EPB41L4A: variants seen among roughly 807,000 people sequenced by gnomAD.
EPB41L4A encodes the protein erythrocyte membrane protein band 4.1 like 4A, also known as band 4.1-like protein 4A.
EPB41L4A carries 100 observed loss-of-function variants against 108.6 expected under a neutral mutation model. That is an observed-to-expected ratio of 0.92 (90% confidence interval 0.78 to 1.09). The LOEUF (loss-of-function observed/expected upper bound fraction) is 1.09, where lower values mean the gene tolerates loss of function less well. Ranked by LOEUF, EPB41L4A falls within the 50% of genes least tolerant of loss-of-function variation. The pLI is 0.00. For missense variants in EPB41L4A, 1,030 were observed against 842.7 expected (o/e 1.22, Z -2.75); for synonymous variants, 319 against 289.0 (o/e 1.10, Z -1.05).
chr5:112,332,861 A>G (rs1033324141), intron 1 of EPB41L4A, among the ~76,000 whole-genome samples: 1 of 152,354 alleles, frequency 6.6e-6, no homozygotes, highest in African/African-American at 2.4e-5. Context: ...TATAAATAGT[A>G]AAAGGCTTTC....
rs760840913 is a variant in EPB41L4A, at chr5:112,240,846, C to T, written c.796-36G>A. On this transcript the variant is annotated intron_variant, in intron 9 of 22. Coordinates refer to ENST00000261486, the MANE Select transcript of EPB41L4A (RefSeq NM_022140.5). Reference sequence around the variant, plus strand: ...AAGAGAGACAGAATATGAATAATGACCAGGGAAGGAAGATAGCATTCTTCA... The same window carrying T: ...AAGAGAGACAGAATATGAATAATGATCAGGGAAGGAAGATAGCATTCTTCA... 1.3e-5 allele frequency: 17 copies of T among 1,314,418 alleles called. No individual in the cohort carries two copies. In the South Asian group the frequency reaches 2.1e-4, roughly 16 times the overall value. 81.4% of individuals were successfully genotyped at this position (1,314,418 alleles called of 1,614,324 possible). A position where few individuals can be genotyped will look rare whatever the true frequency, so the allele number is the denominator to read the frequency against.
At chr5:112,156,146 A>G (rs991964930) in intron 12 of EPB41L4A, among the ~76,000 whole-genome samples, 3 of 152,302 alleles carry the variant, frequency 2.0e-5, no homozygotes, top group East Asian at 1.9e-4. Flanking sequence ...TCTCAATAGA[A>G]GCAGAAAAAA....
At chr5:112,294,280 A>C (rs948698077) in intron 2 of EPB41L4A, among the ~76,000 whole-genome samples, 1 of 152,220 alleles carries the variant, frequency 6.6e-6, no homozygotes, top group Non-Finnish European at 1.5e-5. Context: ...GGGAGCATGC[A>C]GGCGTGGGAA....
At chr5:112,204,619 C>G in intron 14 of EPB41L4A, 131 bp from the exon 15 acceptor site, 1 of 524,346 alleles carries the variant, frequency 1.9e-6, no homozygotes, top group East Asian at 2.8e-5. Flanking sequence ...ACGTGGTTCT[C>G]TTTGCTGACA....
chr5:112,370,210 T>TA (rs1759400935), intron 1 of EPB41L4A, among the ~76,000 whole-genome samples: 1 of 150,932 alleles, frequency 6.6e-6, no homozygotes, highest in African/African-American at 2.4e-5. Context: ...TTTTTTTTTT[T>TA]ACATTTTGTA....
At chr5:112,342,306 CT>C (rs1474368951) in intron 1 of EPB41L4A, among the ~76,000 whole-genome samples, 1 of 152,200 alleles carries the variant, frequency 6.6e-6, no homozygotes, top group Non-Finnish European at 1.5e-5. Context: ...CCTTTTCCCA[CT>C]GAATTACAGA....
chr5:112,301,084 C>CTTCA (rs1310846415), intron 2 of EPB41L4A, among the ~76,000 whole-genome samples: 1 of 152,032 alleles, frequency 6.6e-6, no homozygotes, highest in African/African-American at 2.4e-5. Flanking sequence ...TTAAATTGGA[C>CTTCA]TTCACCTTTC....
chr5:112,142,044 T>G (rs1759090406), downstream of EPB41L4A, among the ~76,000 whole-genome samples: 1 of 152,234 alleles, frequency 6.6e-6, no homozygotes, highest in Non-Finnish European at 1.5e-5. Context: ...GTGGGGCATT[T>G]GCTTAAGGAG....
chr5:112,243,267 A>G (rs113596210), intron 9 of EPB41L4A, among the ~76,000 whole-genome samples: 1,415 of 117,278 alleles, frequency 0.012, 41 homozygotes, highest in African/African-American at 0.052. Context: ...ACATATATAT[A>G]TGTGTGTGTA....
chr5:112,143,917 T>C (rs890042509), intron 13 of EPB41L4A: 1 of 452,884 alleles, frequency 2.2e-6, no homozygotes, highest in African/African-American at 2.0e-5. Flanking sequence ...ATGTGCTCAG[T>C]TGCCAAAGAC....
rs1463253308 is a variant in EPB41L4A at position 112,164,116 on chromosome 5, C to G, written c.*874G>C. ...TCATTTGAGGTTTGGGGTGACAGAT[C>G]AACTGAGATCCACTTACACTTCTGA... On this transcript the variant is annotated 3_prime_UTR_variant, in exon 23 of 23. Transcript: ENST00000261486. The G allele has an allele frequency of 1.3e-5, 2 of 152,156 alleles. No individual in the cohort carries two copies. Among genetic ancestry groups the G allele is most frequent in the African/African-American group, 4.8e-5 (2 of 41,428 alleles). The allele number at this position is 152,156 out of a possible 1,614,324, so 9.4% of individuals were successfully genotyped here.
chr5:112,354,588 C>T (rs1220143284), intron 1 of EPB41L4A, among the ~76,000 whole-genome samples: 1 of 152,162 alleles, frequency 6.6e-6, no homozygotes, highest in South Asian at 2.1e-4. Flanking sequence ...ACCTCGCTTC[C>T]AAAATTTAAC....
At chr5:112,248,216 G>A (rs2150402246) in intron 9 of EPB41L4A, among the ~76,000 whole-genome samples, 1 of 152,314 alleles carries the variant, frequency 6.6e-6, no homozygotes, top group African/African-American at 2.4e-5. Context: ...CTTTTGCCAT[G>A]TAGAGTAACT....
chr5:112,270,265 C>CAGGGAGGAGTTTGATTTTAGGTGCT (rs1417256397), intron 4 of EPB41L4A, among the ~76,000 whole-genome samples: 2 of 152,108 alleles, frequency 1.3e-5, no homozygotes, highest in Non-Finnish European at 2.9e-5. Flanking sequence ...GATGTAGGGA[C>CAGGGAGGAGTTTGATTTTAGGTGCT]AGGGAGGAGT....
At chr5:112,200,146 G>A (rs1001917778) in intron 15 of EPB41L4A, among the ~76,000 whole-genome samples, 1 of 152,000 alleles carries the variant, frequency 6.6e-6, no homozygotes, top group Non-Finnish European at 1.5e-5. Flanking sequence ...GGCCTTTTTC[G>A]TTTTCATGAA....
intron 1 of EPB41L4A, among the ~76,000 whole-genome samples, chr5:112,360,484 G>C (rs181085819): frequency 6.6e-6 from 1 of 152,190 alleles, no homozygotes; most frequent in Non-Finnish European, 1.5e-5. Context: ...CATGTTGGCC[G>C]GGCTGGTCTC....
chr5:112,387,968 A>G (rs1258515386), intron 1 of EPB41L4A, among the ~76,000 whole-genome samples: 1 of 152,240 alleles, frequency 6.6e-6, no homozygotes, highest in Non-Finnish European at 1.5e-5. Flanking sequence ...AAAAGGAAGT[A>G]AAGTATCTCA....
chr5:112,244,070 A>ATTTC (rs527460420), intron 9 of EPB41L4A, among the ~76,000 whole-genome samples: 315 of 152,270 alleles, frequency 2.1e-3, no homozygotes, highest in African/African-American at 7.3e-3. Context: ...AAGCTTAATC[A>ATTTC]TTTCTAGCAT....
intron 1 of EPB41L4A, among the ~76,000 whole-genome samples, chr5:112,396,213 C>G (rs777229697): frequency 2.6e-5 from 4 of 151,802 alleles, no homozygotes; most frequent in African/African-American, 9.7e-5. Context: ...CAAACCTGCA[C>G]GTTGTGCACA....
Sources: gnomAD v4.1 joint callset for allele counts (sites outside exome capture counted in the v4.1 genomes callset) on GRCh38, gnomAD v4.1.1 for gene constraint, MANE v1.5 for transcripts, NCBI Gene and HGNC (gene_info 2026-07-23, HGNC 2026-07-21) for gene names.